FBXW11: variants seen among roughly 807,000 people sequenced by gnomAD.
The protein encoded by FBXW11 is F-box/WD repeat-containing protein 11.
Under a neutral mutation model 77.6 loss-of-function variants are expected in FBXW11, and 19 were observed. That is an observed-to-expected ratio of 0.24 (90% confidence interval 0.17 to 0.36). The LOEUF (loss-of-function observed/expected upper bound fraction) is 0.36, where lower values mean the gene tolerates loss of function less well. Among genes scored for constraint, FBXW11 ranks in the 10% least tolerant of loss-of-function variants. The probability of loss-of-function intolerance (pLI) is 1.00; values close to 1 mark genes in which losing one functional copy is unlikely to be tolerated. For missense variants in FBXW11, 334 were observed against 704.2 expected (o/e 0.47, Z 5.95); for synonymous variants, 235 against 249.4 (o/e 0.94, Z 0.54).
intron 2 of FBXW11, among the ~76,000 whole-genome samples, chr5:171,939,631 A>C (rs956016654): frequency 7.1e-6 from 1 of 141,806 alleles, no homozygotes; most frequent in Admixed American, 7.5e-5. Flanking sequence ...CCAGGAGTGG[A>C]GGCTGCAGTG....
Position 171,992,619 on chromosome 5 carries a change from T to C in FBXW11, c.45+13839A>G, listed in dbSNP as rs534044035. ...GACATATGATCTCAGGTTCTGACCT[T>C]AGCTGTAGCCCATTCCTTTATGTTG... On this transcript the variant is annotated intron_variant, in intron 1 of 13. Transcript: ENST00000517395. Among the ~76,000 whole-genome samples, 8 of 152,256 alleles carry C rather than the reference T, an allele frequency of 5.3e-5. No individual in the cohort carries two copies. In the South Asian group the frequency reaches 1.7e-3, roughly 32 times the overall value.
At chr5:171,943,311 G>T (rs1173139791) in intron 2 of FBXW11, among the ~76,000 whole-genome samples, 1 of 152,160 alleles carries the variant, frequency 6.6e-6, no homozygotes, top group East Asian at 1.9e-4. Flanking sequence ...GTTTTCTTAA[G>T]TAGTTTGTGA....
chr5:171,927,657 T>C (rs771637880), intron 2 of FBXW11, among the ~76,000 whole-genome samples: 10 of 152,218 alleles, frequency 6.6e-5, no homozygotes, highest in Non-Finnish European at 7.4e-5. Context: ...CCATGTGTCA[T>C]GCACATCTTT....
At chr5:171,926,403 C>A (rs180947925) in intron 2 of FBXW11, among the ~76,000 whole-genome samples, 1 of 152,178 alleles carries the variant, frequency 6.6e-6, no homozygotes, top group Admixed American at 6.5e-5. Flanking sequence ...GTGTCCCCAC[C>A]CAAACCTCTT....
At chr5:171,952,831 A>G (rs1763416693) in intron 2 of FBXW11, among the ~76,000 whole-genome samples, 1 of 151,558 alleles carries the variant, frequency 6.6e-6, no homozygotes, top group South Asian at 2.1e-4. Context: ...AAATTCGTAA[A>G]CTTTCTTAAA....
At chr5:171,905,594 C>CCA (rs1760443898) in intron 4 of FBXW11, among the ~76,000 whole-genome samples, 1 of 101,210 alleles carries the variant, frequency 9.9e-6, no homozygotes, top group Non-Finnish European at 2.5e-5. Context: ...AGCTAACCCC[C>CCA]CCCCCTTTAT....
In FBXW11 at chr5:171,965,120, A is replaced by C. The variant is rs150639686; in HGVS notation, c.46-7422T>G. The stretch of plus-strand genomic sequence containing the variant: ...AAGTTTTTAGATTCAAGAACAGCCC[A>C]AAAGTAGTGGAATCAGGACTCAAAG... On this transcript the variant is annotated intron_variant, in intron 1 of 13. Coordinates refer to ENST00000517395, the MANE Select transcript of FBXW11 (RefSeq NM_001378974.1). Among the ~76,000 whole-genome samples, 856 of 152,352 alleles carry C rather than the reference A, an allele frequency of 5.6e-3. 7 individuals are homozygous for C. Among genetic ancestry groups the C allele is most frequent in the African/African-American group, 0.019 (803 of 41,584 alleles).
intron 2 of FBXW11, among the ~76,000 whole-genome samples, chr5:171,952,445 A>T (rs60117471): frequency 0.16 from 1,498 of 9,532 alleles, 135 homozygotes; most frequent in East Asian, 0.37. Context: ...ATATATATAT[A>T]TATTTTTTTT....
chr5:171,891,666 G>T, intron 6 of FBXW11, 62 bp from the exon 7 acceptor site: 1 of 1,536,284 alleles, frequency 6.5e-7, no homozygotes, highest in Non-Finnish European at 8.8e-7. Context: ...TTAGGTTTCA[G>T]ACTTTGGCGT....
chr5:171,909,481 G>T (rs1420730060), intron 4 of FBXW11, among the ~76,000 whole-genome samples: 1 of 152,112 alleles, frequency 6.6e-6, no homozygotes, highest in Non-Finnish European at 1.5e-5. Flanking sequence ...TATGAATTTG[G>T]GGTAATAATG....
intron 6 of FBXW11, among the ~76,000 whole-genome samples, chr5:171,898,458 A>G (rs1207513837): frequency 6.6e-6 from 1 of 152,190 alleles, no homozygotes; most frequent in African/African-American, 2.4e-5. Context: ...AAACATCTCC[A>G]ATGTTTCTCA....
At position 171,941,709 on chromosome 5, in the gene FBXW11, G is replaced by A. The variant is rs572534149; in HGVS notation, c.147+15888C>T. Among the ~76,000 whole-genome samples the A allele has an allele frequency of 7.9e-5, 12 of 151,700 alleles. No individual in the cohort carries two copies. In the South Asian group the frequency reaches 1.5e-3, roughly 19 times the overall value. On this transcript the variant is annotated intron_variant, in intron 2 of 13. Coordinates refer to ENST00000517395, the MANE Select transcript of FBXW11 (RefSeq NM_001378974.1). Reference sequence around the variant, plus strand: ...ATAACTTTTCTATAAGCTTGAGACTGTCTCAAAATAAATAAAAAGCAATAT... The same window carrying A: ...ATAACTTTTCTATAAGCTTGAGACTATCTCAAAATAAATAAAAAGCAATAT...
intron 1 of FBXW11, among the ~76,000 whole-genome samples, chr5:171,980,053 G>C (rs1165884212): frequency 3.3e-5 from 5 of 152,224 alleles, no homozygotes; most frequent in Non-Finnish European, 7.3e-5. Flanking sequence ...AAGAGGAACA[G>C]GCTATGACCT....
At chr5:171,955,165 G>T (rs987661361) in intron 2 of FBXW11, among the ~76,000 whole-genome samples, 1 of 152,190 alleles carries the variant, frequency 6.6e-6, no homozygotes, top group African/African-American at 2.4e-5. Flanking sequence ...CTTCCGGAAT[G>T]GGTAAATTAT....
chr5:171,907,805 C>T (rs570455991), intron 4 of FBXW11, among the ~76,000 whole-genome samples: 1 of 152,142 alleles, frequency 6.6e-6, no homozygotes, highest in Non-Finnish European at 1.5e-5. Flanking sequence ...TATTTATATA[C>T]ATAACACATG....
intron 3 of FBXW11, among the ~76,000 whole-genome samples, chr5:171,912,336 A>C (rs1413917322): frequency 6.6e-6 from 1 of 152,176 alleles, no homozygotes; most frequent in Non-Finnish European, 1.5e-5. Context: ...ACCAGGGGGA[A>C]GCATTGAACA....
At chr5:171,885,579 G>C (rs1758824532) in intron 7 of FBXW11, among the ~76,000 whole-genome samples, 1 of 152,118 alleles carries the variant, frequency 6.6e-6, no homozygotes, top group African/African-American at 2.4e-5. Flanking sequence ...ATTTTTACTT[G>C]TTGTCAGGAC....
intron 1 of FBXW11, among the ~76,000 whole-genome samples, chr5:171,986,064 C>T (rs1299607786): frequency 6.6e-6 from 1 of 152,200 alleles, no homozygotes; most frequent in African/African-American, 2.4e-5. Flanking sequence ...TACTGAGCTC[C>T]AATTTTCAAA....
chr5:171,994,332 G>C (rs938783824), intron 1 of FBXW11, among the ~76,000 whole-genome samples: 1 of 152,052 alleles, frequency 6.6e-6, no homozygotes, highest in Non-Finnish European at 1.5e-5. Flanking sequence ...TCACCAGTAG[G>C]GGGGAAATAA....
Sources: gnomAD v4.1 joint callset for allele counts (sites outside exome capture counted in the v4.1 genomes callset) on GRCh38, gnomAD v4.1.1 for gene constraint, MANE v1.5 for transcripts, NCBI Gene and HGNC (gene_info 2026-07-23, HGNC 2026-07-21) for gene names.